Variants in ULK4 observed in about 807,000 individuals in gnomAD.
ULK4 encodes unc-51 like kinase 4.
A neutral mutation model predicts 160.6 loss-of-function variants in ULK4; 133 were observed. The ratio of observed to expected loss-of-function variants is 0.83; its 90% CI spans 0.72 to 0.96. The LOEUF (loss-of-function observed/expected upper bound fraction) is 0.96. ULK4 is among the 40% of genes least tolerant of loss of function. The probability of loss-of-function intolerance (pLI) is 0.00; values close to 1 mark genes in which losing one functional copy is unlikely to be tolerated. For missense variants in ULK4, 1,580 were observed against 1,499.5 expected (o/e 1.05, Z -0.89); for synonymous variants, 534 against 539.8 (o/e 0.99, Z 0.15).
At chr3:41,665,482 G>A (rs1012921259) in intron 29 of ULK4, among the ~76,000 whole-genome samples, 1 of 152,174 alleles carries the variant, frequency 6.6e-6, no homozygotes, top group African/African-American at 2.4e-5. Flanking sequence ...GGGGTAATGA[G>A]TCAAGACAAT....
chr3:41,739,602 CAAG>C (rs2038174268), intron 22 of ULK4, among the ~76,000 whole-genome samples: 1 of 151,894 alleles, frequency 6.6e-6, no homozygotes, highest in Non-Finnish European at 1.5e-5. Context: ...AAACTGGTGA[CAAG>C]AAGTTCTGAG....
At chr3:41,629,290 T>G (rs1259209173) in intron 30 of ULK4, among the ~76,000 whole-genome samples, 1 of 152,142 alleles carries the variant, frequency 6.6e-6, no homozygotes, top group Non-Finnish European at 1.5e-5. Flanking sequence ...GTTTCCTCAC[T>G]CACACTTCTG....
At chr3:41,447,083 C>CAAAAAA (rs756911141) in intron 34 of ULK4, among the ~76,000 whole-genome samples, 3 of 53,682 alleles carry the variant, frequency 5.6e-5, no homozygotes, top group Non-Finnish European at 9.3e-5. Context: ...GACTCTGTCT[C>CAAAAAA]AAAAAAAAAA....
intron 18 of ULK4, among the ~76,000 whole-genome samples, chr3:41,828,700 C>G (rs1193268813): frequency 6.6e-6 from 1 of 151,554 alleles, no homozygotes; most frequent in Non-Finnish European, 1.5e-5. Context: ...GAATCAGTAT[C>G]GTGAAAATGG....
chr3:41,279,255 T>TAAAAA (rs771175184), intron 35 of ULK4, among the ~76,000 whole-genome samples: 133 of 42,792 alleles, frequency 3.1e-3, no homozygotes, highest in East Asian at 8.8e-3. Flanking sequence ...AAAAAAAGAG[T>TAAAAA]AAAAAAAAAA....
chr3:41,340,154 G>A (rs2080651271), intron 35 of ULK4, among the ~76,000 whole-genome samples: 1 of 152,226 alleles, frequency 6.6e-6, no homozygotes, highest in African/African-American at 2.4e-5. Context: ...TATTTCTACT[G>A]TGTAAAAATT....
chr3:41,537,385 C>T (rs1391205143), intron 32 of ULK4, among the ~76,000 whole-genome samples: 1 of 152,134 alleles, frequency 6.6e-6, no homozygotes, highest in African/African-American at 2.4e-5. Flanking sequence ...TCATGATATC[C>T]TCTCTATTAG....
chr3:41,372,737 G>A (rs1330342766), intron 35 of ULK4, among the ~76,000 whole-genome samples: 5 of 152,008 alleles, frequency 3.3e-5, no homozygotes, highest in Non-Finnish European at 5.9e-5. Flanking sequence ...ATCAACTAAC[G>A]GGCAAAATAA....
chr3:41,669,256 CG>C (rs1331450171), intron 29 of ULK4, among the ~76,000 whole-genome samples: 1 of 152,006 alleles, frequency 6.6e-6, no homozygotes, highest in Non-Finnish European at 1.5e-5. Flanking sequence ...TTTTAAGGGT[CG>C]GGGGGAGAGA....
intron 35 of ULK4, among the ~76,000 whole-genome samples, chr3:41,256,664 C>T (rs905670959): frequency 1.3e-5 from 2 of 151,988 alleles, no homozygotes; most frequent in African/African-American, 4.8e-5. Flanking sequence ...AATTCTGTGA[C>T]CTTAGATTTG....
chr3:41,808,693 G>A (rs917795143), intron 19 of ULK4, among the ~76,000 whole-genome samples: 8 of 152,200 alleles, frequency 5.3e-5, no homozygotes, highest in East Asian at 3.8e-4. Context: ...TTAATATATT[G>A]TAGGCAGCCT....
intron 34 of ULK4, among the ~76,000 whole-genome samples, chr3:41,405,372 C>G (rs2082272790): frequency 6.6e-6 from 1 of 152,034 alleles, no homozygotes; most frequent in Non-Finnish European, 1.5e-5. Context: ...TTATCCAATC[C>G]ACTGTTGATG....
intron 17 of ULK4, among the ~76,000 whole-genome samples, chr3:41,874,643 C>T (rs1284768432): frequency 6.6e-6 from 1 of 151,996 alleles, no homozygotes; most frequent in Non-Finnish European, 1.5e-5. Flanking sequence ...CAATTATAAG[C>T]GGGAGCTAAG....
intron 32 of ULK4, among the ~76,000 whole-genome samples, chr3:41,528,155 C>G (rs575774114): frequency 6.6e-6 from 1 of 152,130 alleles, no homozygotes; most frequent in African/African-American, 2.4e-5. Context: ...ACTCCCTCAT[C>G]GAGCAGGACA....
chr3:41,808,109 A>G (rs75590703), intron 19 of ULK4, among the ~76,000 whole-genome samples: 6 of 152,256 alleles, frequency 3.9e-5, no homozygotes, highest in Non-Finnish European at 1.5e-5. Flanking sequence ...GGGGTTCAAT[A>G]TGACGAAACC....
chr3:41,538,535 G>A (rs2086589924), intron 32 of ULK4, among the ~76,000 whole-genome samples: 1 of 151,830 alleles, frequency 6.6e-6, no homozygotes, highest in Non-Finnish European at 1.5e-5. Context: ...TGGGTCCCAG[G>A]GTGCTATTTA....
At chr3:41,452,885 G>GTA (rs2083453103) in intron 34 of ULK4, among the ~76,000 whole-genome samples, 1 of 152,068 alleles carries the variant, frequency 6.6e-6, no homozygotes, top group African/African-American at 2.4e-5. Context: ...TCAAAACATT[G>GTA]TATTTCAGTG....
intron 21 of ULK4, among the ~76,000 whole-genome samples, chr3:41,766,405 T>C (rs748662756): frequency 6.6e-6 from 1 of 152,236 alleles, no homozygotes; most frequent in Non-Finnish European, 1.5e-5. Flanking sequence ...GAAGATATTA[T>C]TGGATTTATT....
At chr3:41,566,183 T>C in intron 31 of ULK4, 53 bp from the exon 32 acceptor site, 1 of 1,480,514 alleles carries the variant, frequency 6.8e-7, no homozygotes, top group Non-Finnish European at 9.4e-7. Context: ...AATTACATCA[T>C]CGTAAAGACA....
Sources: allele counts gnomAD v4.1 joint callset (sites outside exome capture counted in the v4.1 genomes callset), GRCh38; gene constraint gnomAD v4.1.1; transcripts MANE v1.5; gene names NCBI Gene and HGNC (gene_info 2026-07-23, HGNC 2026-07-21).